Variants in SCTR observed in about 807,000 individuals in gnomAD.
The protein encoded by SCTR is pancreatic secretin receptor.
SCTR carries 56 observed loss-of-function variants against 60.8 expected under a neutral mutation model. That is an observed-to-expected ratio of 0.92 (90% CI 0.74 to 1.15). SCTR has a LOEUF of 1.15. Among genes scored for constraint, SCTR ranks in the 50% most tolerant of loss-of-function variants. The probability of loss-of-function intolerance (pLI) is 0.00; values close to 1 mark genes in which losing one functional copy is unlikely to be tolerated. For synonymous variants in SCTR, 202 were observed against 217.0 expected (o/e 0.93, Z 0.61); for missense variants, 562 against 550.4 (o/e 1.02, Z -0.21).
At chr2:119,506,504 CAG>C (rs2104929889) in intron 1 of SCTR, among the ~76,000 whole-genome samples, 1 of 139,894 alleles carries the variant, frequency 7.1e-6, no homozygotes, top group East Asian at 2.2e-4. Flanking sequence ...CTTTTAGAGA[CAG>C]GGTCTCGCTC....
rs776318642 is a variant in SCTR, at chr2:119,461,838, G to A, written c.790+9C>T. 6.2e-7 allele frequency: 1 copy of A among 1,608,436 alleles called. No homozygotes were observed. The highest frequency in any genetic ancestry group is 1.1e-5 in the South Asian group (1 of 89,662). On this transcript the variant is annotated intron_variant, in intron 7 of 12. Coordinates refer to ENST00000019103, the MANE Select transcript of SCTR (RefSeq NM_002980.3). ...ACCATGCAGATATCAGACCCAGGGA[G>A]AAACATACCCCATCCGAATGCCACA...
rs761058373 is a variant in SCTR, at chr2:119,478,818, G to C, written c.294C>G (p.Ser98Arg). 2 of 1,614,132 alleles carry C rather than the reference G, an allele frequency of 1.2e-6. No homozygotes were observed. The highest frequency in any genetic ancestry group is 2.2e-5 in the South Asian group (2 of 91,072). The change falls in exon 3 of 13, where the codon AGC becomes AGG. Residue 98 changes from serine to arginine, a missense_variant. Ser to Arg is a moderately radical substitution (Grantham distance 110). Transcript: ENST00000019103. ...ECPRFLRMLT[S>R]RNGSLFRNCT... ...CATGGGCCGAGTGGTTACCATTTCT[G>C]CTGGTGAGCATCCGGAGGAATCTCG...
chr2:119,484,199 C>T (rs996571990), intron 2 of SCTR, among the ~76,000 whole-genome samples: 3 of 152,122 alleles, frequency 2.0e-5, no homozygotes, highest in African/African-American at 7.2e-5. Context: ...AGGGAGGGGT[C>T]ACCGCCCCAG....
intron 4 of SCTR, among the ~76,000 whole-genome samples, chr2:119,470,305 T>C (rs1010006678): frequency 6.6e-6 from 1 of 152,168 alleles, no homozygotes; most frequent in Non-Finnish European, 1.5e-5. Flanking sequence ...GAAAAGCAAC[T>C]AATACATACC....
intron 10 of SCTR, 42 bp downstream of exon 10, chr2:119,448,647 G>T (rs1683023499): frequency 9.1e-7 from 1 of 1,104,470 alleles, no homozygotes; most frequent in Non-Finnish European, 1.4e-6. Context: ...CTCAGTAAAT[G>T]CTTGCTGACT....
chr2:119,461,901 T>C lies in SCTR; in HGVS notation c.736A>G (p.Ile246Val), dbSNP rs767455006. 4.0e-5 allele frequency: 64 copies of C among 1,613,672 alleles called. No individual in the cohort carries two copies. The highest frequency in any genetic ancestry group is 8.0e-5 in the African/African-American group (6 of 74,848). The change falls in exon 7 of 13, where the codon ATC (isoleucine) becomes GTC (valine). Residue 246 changes from isoleucine to valine, a missense_variant. Coordinates refer to ENST00000019103, the MANE Select transcript of SCTR (RefSeq NM_002980.3). The stretch of plus-strand genomic sequence containing the variant: ...TACTTTCTTTCAGAGAAGAAGGAGA[T>C]GGCGAGGAGTGTGTGAAGGTAGAGG... ...EGLYLHTLLA[I>V]SFFSERKYLQ...
At chr2:119,463,867 G>T (rs1324274595) in intron 6 of SCTR, among the ~76,000 whole-genome samples, 2 of 152,112 alleles carry the variant, frequency 1.3e-5, no homozygotes, top group Non-Finnish European at 2.9e-5. Context: ...AGAGTGACCA[G>T]TTCACTCCTG....
At chr2:119,472,830 T>G (rs1677082829) in intron 4 of SCTR, among the ~76,000 whole-genome samples, 1 of 151,868 alleles carries the variant, frequency 6.6e-6, no homozygotes, top group South Asian at 2.1e-4. Flanking sequence ...TTTTTGTAGA[T>G]CCAATGTTTC....
At chr2:119,497,883 T>A (rs544913316) in intron 1 of SCTR, among the ~76,000 whole-genome samples, 6 of 152,154 alleles carry the variant, frequency 3.9e-5, no homozygotes, top group African/African-American at 1.4e-4. Flanking sequence ...AGGAACCTGA[T>A]GGGGATTATA....
intron 1 of SCTR, 120 bp downstream of exon 1, chr2:119,524,035 C>T: frequency 1.4e-6 from 1 of 736,198 alleles, no homozygotes; most frequent in South Asian, 1.6e-5. Flanking sequence ...AGGGAAGAGT[C>T]CCTATTCCTC....
chr2:119,519,388 TTA>T (rs1421339837), intron 1 of SCTR, among the ~76,000 whole-genome samples: 1 of 152,204 alleles, frequency 6.6e-6, no homozygotes, highest in Non-Finnish European at 1.5e-5. Flanking sequence ...CAGTATTTTT[TTA>T]TGTTTCACAA....
intron 1 of SCTR, among the ~76,000 whole-genome samples, chr2:119,519,265 G>T (rs60090663): frequency 6.6e-6 from 1 of 151,704 alleles, no homozygotes; most frequent in Non-Finnish European, 1.5e-5. Context: ...ATGGGCCACC[G>T]CGCTCCGCCT....
chr2:119,494,251 C>T (rs1360952604), intron 2 of SCTR, among the ~76,000 whole-genome samples, 177 bp downstream of exon 2: 4 of 152,160 alleles, frequency 2.6e-5, no homozygotes, highest in Non-Finnish European at 5.9e-5. Context: ...CTTTGGGGTC[C>T]ATGCGATCTG....
chr2:119,494,249 T>A lies in SCTR; in HGVS notation c.193+179A>T, dbSNP rs551365084. 4.4e-3 allele frequency among the ~76,000 whole-genome samples: 672 copies of A among 152,118 alleles called. 7 individuals carry two copies. The highest frequency in any genetic ancestry group is 5.5e-3 in the Non-Finnish European group (371 of 67,978). On this transcript the variant is annotated intron_variant, in intron 2 of 12. Coordinates refer to ENST00000019103, the MANE Select transcript of SCTR (RefSeq NM_002980.3). ...GAGTGGTGAGGATCTGGCTTTGGGG[T>A]CCATGCGATCTGCTCACCAGAACCA...
chr2:119,449,702 C>T lies in SCTR; in HGVS notation c.922-922G>A, dbSNP rs555510627. Reference sequence around the variant, plus strand: ...CAGTGGAATCACCCAGCCTCACACCCGCATTGTTCACACAAGCAGCCTGGG... The same window carrying T: ...CAGTGGAATCACCCAGCCTCACACCTGCATTGTTCACACAAGCAGCCTGGG... On this transcript the variant is annotated intron_variant, in intron 9 of 12. Transcript: ENST00000019103. Among the ~76,000 whole-genome samples, 8 of 152,224 alleles carry T rather than the reference C, an allele frequency of 5.3e-5. No individual in the cohort carries two copies. The South Asian group carries it at 1.2e-3, about 24-fold the overall frequency.
intron 9 of SCTR, 104 bp downstream of exon 9, chr2:119,451,906 G>A: frequency 2.8e-6 from 2 of 725,370 alleles, no homozygotes; most frequent in Non-Finnish European, 2.5e-6. Context: ...TATCCCTCCT[G>A]GCACCTGCAG....
chr2:119,469,216 C>T (rs969931285), intron 4 of SCTR, among the ~76,000 whole-genome samples: 1 of 152,120 alleles, frequency 6.6e-6, no homozygotes, highest in Non-Finnish European at 1.5e-5. Flanking sequence ...TATAATCTCG[C>T]CATGTACAGA....
At chr2:119,460,149 C>T (rs143308358) in intron 7 of SCTR, among the ~76,000 whole-genome samples, 1 of 151,850 alleles carries the variant, frequency 6.6e-6, no homozygotes, top group Non-Finnish European at 1.5e-5. Context: ...AGGCAGCTCC[C>T]CTGATCGGGA....
At chr2:119,443,816 G>A (rs1483311553) in intron 11 of SCTR, among the ~76,000 whole-genome samples, 1 of 152,206 alleles carries the variant, frequency 6.6e-6, no homozygotes, top group Non-Finnish European at 1.5e-5. Context: ...CGAAGTGCTA[G>A]GATTACAGGC....
Sources: allele counts gnomAD v4.1 joint callset (sites outside exome capture counted in the v4.1 genomes callset), GRCh38; gene constraint gnomAD v4.1.1; transcripts MANE v1.5; gene names NCBI Gene and HGNC (gene_info 2026-07-23, HGNC 2026-07-21).